PPP2R2B: variants seen among roughly 807,000 people sequenced by gnomAD.
PPP2R2B encodes protein phosphatase 2 regulatory subunit Bbeta.
Under a neutral mutation model 46.0 loss-of-function variants are expected in PPP2R2B, and 5 were observed. The ratio of observed to expected loss-of-function variants is 0.11; its 90% CI spans 0.06 to 0.23. The LOEUF (loss-of-function observed/expected upper bound fraction) is 0.23. Among genes scored for constraint, PPP2R2B ranks in the 10% least tolerant of loss-of-function variants. PPP2R2B has a pLI of 1.00. For synonymous variants in PPP2R2B, 215 were observed against 206.7 expected (o/e 1.04, Z -0.34); for missense variants, 367 against 575.0 (o/e 0.64, Z 3.70).
intron 2 of PPP2R2B, among the ~76,000 whole-genome samples, chr5:146,861,639 T>C (rs1482581418): frequency 6.6e-6 from 1 of 152,234 alleles, no homozygotes; most frequent in Non-Finnish European, 1.5e-5. Context: ...AAACAATGTA[T>C]ATATTTATTT....
At chr5:146,766,504 G>C (rs1212325009) in intron 2 of PPP2R2B, among the ~76,000 whole-genome samples, 1 of 152,134 alleles carries the variant, frequency 6.6e-6, no homozygotes, top group Non-Finnish European at 1.5e-5. Context: ...CAAGACTGAG[G>C]TAAAAAACAC....
intron 2 of PPP2R2B, among the ~76,000 whole-genome samples, chr5:146,744,577 G>A (rs933260929): frequency 6.6e-6 from 1 of 152,128 alleles, no homozygotes; most frequent in Admixed American, 6.5e-5. Flanking sequence ...TGTCACCAGG[G>A]AACCATCCTG....
chr5:146,772,874 AAC>A (rs1442886941), intron 2 of PPP2R2B, among the ~76,000 whole-genome samples: 2 of 152,226 alleles, frequency 1.3e-5, no homozygotes, highest in Non-Finnish European at 2.9e-5. Flanking sequence ...ACTTGGGCAT[AAC>A]ACTAGACTAA....
chr5:147,022,083 AC>A (rs1185092820), intron 1 of PPP2R2B, among the ~76,000 whole-genome samples: 1 of 152,192 alleles, frequency 6.6e-6, no homozygotes, highest in African/African-American at 2.4e-5. Context: ...AGTTAAAAAA[AC>A]AATAAAATTG....
rs1445337426 is a variant in PPP2R2B at position 146,634,037 on chromosome 5, T to C, written c.790+4214A>G. 2.0e-5 allele frequency among the ~76,000 whole-genome samples: 3 copies of C among 152,224 alleles called. No individual in the cohort carries two copies. The East Asian group carries it at 5.8e-4, about 29-fold the overall frequency. On this transcript the variant is annotated intron_variant, in intron 7 of 9. Coordinates refer to ENST00000394411, the MANE Select transcript of PPP2R2B (RefSeq NM_181675.4). Reference sequence around the variant, plus strand: ...GGTTAATGTTATGTATTAGCTTGACTGAGCCATGGGCTGCCCAGATATTTG... The same window carrying C: ...GGTTAATGTTATGTATTAGCTTGACCGAGCCATGGGCTGCCCAGATATTTG...
intron 2 of PPP2R2B, among the ~76,000 whole-genome samples, chr5:146,838,582 A>C (rs1582233811): frequency 2.0e-5 from 3 of 151,064 alleles, no homozygotes; most frequent in South Asian, 4.2e-4. Flanking sequence ...AAAAAAAAAA[A>C]AAGAAAAAAA....
At chr5:147,008,626 A>T (rs1754564731) in intron 1 of PPP2R2B, among the ~76,000 whole-genome samples, 2 of 152,088 alleles carry the variant, frequency 1.3e-5, no homozygotes, top group South Asian at 4.1e-4. Flanking sequence ...ATGCTTTGAG[A>T]TCTAGCTCAA....
chr5:146,855,824 C>G (rs537808855), intron 2 of PPP2R2B, among the ~76,000 whole-genome samples: 1 of 152,282 alleles, frequency 6.6e-6, no homozygotes, highest in East Asian at 1.9e-4. Context: ...TCACCACACA[C>G]TGTATCGAGA....
intron 1 of PPP2R2B, chr5:147,040,834 AATAGTGCCATTACAC>A (rs1314129963): frequency 6.8e-6 from 3 of 438,380 alleles, no homozygotes; most frequent in Non-Finnish European, 9.0e-6. Flanking sequence ...ACTGTAAAAT[AATAGTGCCATTACAC>A]ATACCTCCCT....
At chr5:146,733,917 C>T (rs756403192) in intron 2 of PPP2R2B, among the ~76,000 whole-genome samples, 21 of 152,118 alleles carry the variant, frequency 1.4e-4, no homozygotes, top group South Asian at 4.2e-4. Flanking sequence ...ACAATAATAA[C>T]GGCAGTAGTA....
intron 2 of PPP2R2B, among the ~76,000 whole-genome samples, chr5:146,801,510 G>A (rs1253038062): frequency 6.6e-6 from 1 of 152,166 alleles, no homozygotes; most frequent in Non-Finnish European, 1.5e-5. Flanking sequence ...AACCTTTTAA[G>A]TGGAGACTGG....
rs1770183412 is a variant in PPP2R2B, at chr5:146,586,749, G to A, written c.*3198C>T. On this transcript the variant is annotated 3_prime_UTR_variant, in exon 10 of 10. Coordinates refer to ENST00000394411, the MANE Select transcript of PPP2R2B (RefSeq NM_181675.4). ...TTTTTCAATGGAAGAGTAAAGGCAGGAGCCAAACTTGAAGGAGTTAAGAAG... is the reference window on the plus strand; with the variant it reads ...TTTTTCAATGGAAGAGTAAAGGCAGAAGCCAAACTTGAAGGAGTTAAGAAG... The A allele has an allele frequency of 1.3e-5, 2 of 151,988 alleles. No homozygotes were observed. Among genetic ancestry groups the A allele is most frequent in the African/African-American group, 4.8e-5 (2 of 41,384 alleles). 9.4% of individuals were successfully genotyped at this position (151,988 alleles called of 1,614,324 possible).
intron 1 of PPP2R2B, among the ~76,000 whole-genome samples, chr5:147,043,409 A>T (rs1756403409): frequency 6.6e-6 from 1 of 152,066 alleles, no homozygotes; most frequent in Non-Finnish European, 1.5e-5. Flanking sequence ...CGCAGAGAAA[A>T]GACCACGTGA....
intron 1 of PPP2R2B, among the ~76,000 whole-genome samples, chr5:147,044,670 C>T (rs1045009383): frequency 2.0e-5 from 3 of 152,046 alleles, no homozygotes; most frequent in African/African-American, 4.8e-5. Context: ...GGTTGTAGGA[C>T]GATGAAAGGA....
chr5:146,870,561 T>A (rs1316437287), intron 2 of PPP2R2B, among the ~76,000 whole-genome samples: 3 of 152,180 alleles, frequency 2.0e-5, no homozygotes, highest in African/African-American at 7.2e-5. Context: ...AAATTTCTGT[T>A]ATTTAGGCAA....
At chr5:146,993,390 C>T (rs1753788650) in intron 1 of PPP2R2B, among the ~76,000 whole-genome samples, 1 of 151,796 alleles carries the variant, frequency 6.6e-6, no homozygotes, top group South Asian at 2.1e-4. Flanking sequence ...CTACAGGCTG[C>T]TCTACCACAC....
intron 2 of PPP2R2B, among the ~76,000 whole-genome samples, chr5:146,860,518 C>T (rs1760923168): frequency 6.6e-6 from 1 of 152,106 alleles, no homozygotes; most frequent in Non-Finnish European, 1.5e-5. Flanking sequence ...ACAAAATGTA[C>T]CCATACTCTG....
At chr5:146,642,214 A>C (rs1775269712) in intron 6 of PPP2R2B, among the ~76,000 whole-genome samples, 1 of 152,220 alleles carries the variant, frequency 6.6e-6, no homozygotes, top group African/African-American at 2.4e-5. Context: ...CCGCTGTGCC[A>C]GGCAGTGGCC....
chr5:146,938,623 C>T (rs2151827521), intron 1 of PPP2R2B, among the ~76,000 whole-genome samples: 1 of 151,872 alleles, frequency 6.6e-6, no homozygotes, highest in East Asian at 1.9e-4. Flanking sequence ...TTCATGTTTA[C>T]ATAGGAATTA....
Sources: allele counts gnomAD v4.1 joint callset (sites outside exome capture counted in the v4.1 genomes callset), GRCh38; gene constraint gnomAD v4.1.1; transcripts MANE v1.5; gene names NCBI Gene and HGNC (gene_info 2026-07-23, HGNC 2026-07-21).